Variants in SLC41A2 observed in about 807,000 individuals in gnomAD.
SLC41A2 encodes the protein solute carrier family 41 member 2, also known as SLC41A1-like 1.
In SLC41A2, 32 loss-of-function variants were observed where a neutral mutation model predicts 58.3. The observed-to-expected ratio is 0.55, with a 90% CI of 0.41 to 0.74. The LOEUF (loss-of-function observed/expected upper bound fraction) is 0.74. SLC41A2 is among the 30% of genes least tolerant of loss of function. SLC41A2 has a pLI of 0.00. For missense variants in SLC41A2, 514 were observed against 680.6 expected, an observed-to-expected ratio of 0.76 and a Z score of 2.72; for synonymous variants, 190 against 235.0, an observed-to-expected ratio of 0.81 and a Z score of 1.75.
intron 2 of SLC41A2, among the ~76,000 whole-genome samples, chr12:104,916,504 C>T (rs1017405446): frequency 9.9e-5 from 15 of 152,206 alleles, no homozygotes; most frequent in African/African-American, 3.4e-4. Context: ...AAAAAAGAGC[C>T]CGCATCGCCA....
At position 104,883,845 on chromosome 12, in the gene SLC41A2, G is replaced by A. The variant is rs11112223; in HGVS notation, c.1027+2448C>T. 2.5e-3 allele frequency among the ~76,000 whole-genome samples: 388 copies of A among 152,320 alleles called. 5 individuals carry two copies. In the East Asian group the frequency reaches 0.043, roughly 17 times the overall value. On this transcript the variant is annotated intron_variant, in intron 6 of 10. Transcript: ENST00000258538. ...TGTCCGTTCTCAGATCTCAAACTCC[G>A]TGCTGGGAGAACCACTACTCTCTTC...
chr12:104,862,784 T>G (rs1276719835), intron 7 of SLC41A2, among the ~76,000 whole-genome samples: 1 of 152,240 alleles, frequency 6.6e-6, no homozygotes, highest in Non-Finnish European at 1.5e-5. Context: ...ACTTATCTTT[T>G]GTGGTGAGAA....
chr12:104,924,193 A>G (rs1295007203), intron 2 of SLC41A2, among the ~76,000 whole-genome samples: 1 of 152,220 alleles, frequency 6.6e-6, no homozygotes, highest in Non-Finnish European at 1.5e-5. Flanking sequence ...TATCACAGAA[A>G]TCTCTATTAA....
rs369530906 is a variant in SLC41A2 at position 104,859,141 on chromosome 12, A to G, written c.1255+2150T>C. On this transcript the variant is annotated intron_variant, in intron 8 of 10. Transcript: ENST00000258538. ...TGAATCTTTGTAGGGACAATATAAAAACCTAGTTAGAATGATAATGAAAAA... is the reference window on the plus strand; with the variant it reads ...TGAATCTTTGTAGGGACAATATAAAGACCTAGTTAGAATGATAATGAAAAA... Among the ~76,000 whole-genome samples, 135 of 152,296 alleles carry G rather than the reference A, an allele frequency of 8.9e-4. 2 individuals are homozygous for G. The highest frequency in any genetic ancestry group is 3.2e-3 in the African/African-American group (132 of 41,542).
intron 6 of SLC41A2, among the ~76,000 whole-genome samples, chr12:104,869,688 C>T (rs2043662463): frequency 6.6e-6 from 1 of 152,140 alleles, no homozygotes; most frequent in Non-Finnish European, 1.5e-5. Flanking sequence ...TTCTATAGGA[C>T]CCTCCTAACT....
chr12:104,854,442 AG>A (rs998097461), intron 8 of SLC41A2, among the ~76,000 whole-genome samples: 7 of 152,098 alleles, frequency 4.6e-5, no homozygotes, highest in Non-Finnish European at 1.0e-4. Flanking sequence ...GGGCGACTGT[AG>A]CCCCAGCTAC....
intron 10 of SLC41A2, among the ~76,000 whole-genome samples, chr12:104,838,894 A>G (rs1356176695): frequency 6.6e-6 from 1 of 152,222 alleles, no homozygotes; most frequent in East Asian, 1.9e-4. Flanking sequence ...GGCACACTAT[A>G]TGTACTATAT....
chr12:104,811,984 CTG>C (rs1178460506), intron 10 of SLC41A2, among the ~76,000 whole-genome samples: 2 of 152,176 alleles, frequency 1.3e-5, no homozygotes, highest in African/African-American at 2.4e-5. Context: ...TCTGGAGAAA[CTG>C]AGTGGTAGAG....
intron 3 of SLC41A2, among the ~76,000 whole-genome samples, chr12:104,904,178 A>C (rs1593110851): frequency 6.6e-6 from 1 of 152,310 alleles, no homozygotes; most frequent in East Asian, 1.9e-4. Context: ...CTCAAGAACA[A>C]TACTTTTGAA....
intron 10 of SLC41A2, among the ~76,000 whole-genome samples, chr12:104,842,512 C>A (rs891460058): frequency 1.2e-4 from 19 of 152,086 alleles, no homozygotes; most frequent in Non-Finnish European, 2.6e-4. Flanking sequence ...TTAATAACAA[C>A]AACAATAGCG....
intron 10 of SLC41A2, among the ~76,000 whole-genome samples, chr12:104,837,072 T>C (rs534227916): frequency 6.6e-6 from 1 of 152,298 alleles, no homozygotes; most frequent in East Asian, 1.9e-4. Context: ...CTTGCCACCT[T>C]AATTATTAAC....
At chr12:104,899,730 T>C (rs1483290131) in intron 3 of SLC41A2, among the ~76,000 whole-genome samples, 1 of 152,176 alleles carries the variant, frequency 6.6e-6, no homozygotes, top group Non-Finnish European at 1.5e-5. Context: ...CCCAACTCTG[T>C]CATCTGATAA....
chr12:104,931,287 G>A (rs1045277311), intron 1 of SLC41A2, among the ~76,000 whole-genome samples: 18 of 152,154 alleles, frequency 1.2e-4, no homozygotes, highest in African/African-American at 3.9e-4. Flanking sequence ...TTAGCTAATG[G>A]TATCTCCATT....
Position 104,805,200 on chromosome 12 carries a change from A to T in SLC41A2, c.1674T>A (p.Phe558Leu), listed in dbSNP as rs1325740362. ...LLGTALLALSFHFLWLIGDRD... is the reference protein window; with the variant it reads ...LLGTALLALSLHFLWLIGDRD... ...GATCTCCAATAAGCCAAAGAAAATG[A>T]AAACTTAAGGCTAACAGAGCTGTCC... Residue 558 changes from phenylalanine (F) to leucine (L), a missense_variant, in exon 11 of 11, where the codon TTT becomes TTA. Phe to Leu is a conservative substitution (Grantham distance 22, BLOSUM62 0). Transcript: ENST00000258538. 2 of 1,613,590 alleles carry T rather than the reference A, an allele frequency of 1.2e-6. No homozygotes were observed. The highest frequency in any genetic ancestry group is 1.7e-6 in the Non-Finnish European group (2 of 1,179,688).
intron 1 of SLC41A2, among the ~76,000 whole-genome samples, chr12:104,932,101 T>C (rs962248308): frequency 6.6e-6 from 1 of 152,228 alleles, no homozygotes; most frequent in African/African-American, 2.4e-5. Flanking sequence ...ATTTTATCCT[T>C]CTTTTTATCT....
At chr12:104,846,179 T>TC (rs2042594068) in intron 8 of SLC41A2, among the ~76,000 whole-genome samples, 1 of 152,204 alleles carries the variant, frequency 6.6e-6, no homozygotes, top group Non-Finnish European at 1.5e-5. Flanking sequence ...CATTATTTTT[T>TC]CAAACTTGAC....
chr12:104,879,152 T>C (rs534104818), intron 6 of SLC41A2, among the ~76,000 whole-genome samples: 1 of 152,264 alleles, frequency 6.6e-6, no homozygotes, highest in Non-Finnish European at 1.5e-5. Flanking sequence ...CACTTGTTGA[T>C]GGGGTTGTTT....
intron 2 of SLC41A2, among the ~76,000 whole-genome samples, chr12:104,915,508 G>A (rs997681972): frequency 4.6e-5 from 7 of 152,076 alleles, no homozygotes; most frequent in Non-Finnish European, 8.8e-5. Flanking sequence ...TAGATTCCTA[G>A]GTATTTTATT....
chr12:104,874,441 T>C (rs2043950894), intron 6 of SLC41A2, among the ~76,000 whole-genome samples: 2 of 152,224 alleles, frequency 1.3e-5, no homozygotes, highest in African/African-American at 4.8e-5. Flanking sequence ...AAGGAGCTTT[T>C]CTCCTATGTT....
Sources: gnomAD v4.1 joint callset for allele counts (sites outside exome capture counted in the v4.1 genomes callset) on GRCh38, gnomAD v4.1.1 for gene constraint, MANE v1.5 for transcripts, NCBI Gene and HGNC (gene_info 2026-07-23, HGNC 2026-07-21) for gene names.